The following ARMC8 variants were observed in gnomAD, a reference collection of about 807,000 sequenced individuals.
ARMC8 encodes the protein armadillo repeat-containing protein 8.
A neutral mutation model predicts 99.3 loss-of-function variants in ARMC8; 20 were observed. The observed-to-expected ratio is 0.20, with a 90% CI of 0.14 to 0.29. ARMC8 has a LOEUF of 0.29. ARMC8 is among the 10% of genes least tolerant of loss of function. The pLI is 1.00. For missense variants in ARMC8, 569 were observed against 809.5 expected (o/e 0.70, Z 3.60); for synonymous variants, 263 against 278.3 (o/e 0.95, Z 0.55).
At chr3:138,236,300 A>G (rs921212723) in intron 7 of ARMC8, among the ~76,000 whole-genome samples, 1 of 152,204 alleles carries the variant, frequency 6.6e-6, no homozygotes, top group African/African-American at 2.4e-5. Context: ...GTGCCATGCA[A>G]AGGCTAAACC....
intron 12 of ARMC8, among the ~76,000 whole-genome samples, chr3:138,263,287 G>A (rs949914984): frequency 4.6e-5 from 7 of 152,214 alleles, no homozygotes; most frequent in Non-Finnish European, 8.8e-5. Flanking sequence ...AGTTTCAGTC[G>A]GTTGGTAAGA....
At chr3:138,277,863 TA>T (rs1247705157) in intron 18 of ARMC8, among the ~76,000 whole-genome samples, 1 of 152,148 alleles carries the variant, frequency 6.6e-6, no homozygotes, top group East Asian at 1.9e-4. Context: ...AATTAGAAAT[TA>T]ACATCCCTCA....
At chr3:138,222,201 G>A (rs577090583) in intron 3 of ARMC8, among the ~76,000 whole-genome samples, 217 of 152,300 alleles carry the variant, frequency 1.4e-3, no homozygotes, top group Non-Finnish European at 2.2e-3. Flanking sequence ...AAGTGAATGT[G>A]TTAATACATT....
At chr3:138,274,298 A>T (rs1381436258) in intron 17 of ARMC8, 151 bp from the exon 18 acceptor site, 1 of 583,914 alleles carries the variant, frequency 1.7e-6, no homozygotes, top group African/African-American at 1.9e-5. Flanking sequence ...TTCAAAATAT[A>T]ATAAACACTG....
chr3:138,287,751 A>G (rs1393146530), intron 19 of ARMC8: 15 of 455,094 alleles, frequency 3.3e-5, no homozygotes, highest in East Asian at 1.4e-4. Context: ...TAGTTGAAAT[A>G]TAGTCCTACA....
intron 15 of ARMC8, among the ~76,000 whole-genome samples, chr3:138,268,555 T>G (rs1433839281): frequency 6.6e-6 from 1 of 152,172 alleles, no homozygotes; most frequent in Admixed American, 6.5e-5. Flanking sequence ...CTAATACGAT[T>G]TTTTTATATT....
At chr3:138,219,968 GA>G (rs1373605602) in intron 2 of ARMC8, among the ~76,000 whole-genome samples, 3 of 152,180 alleles carry the variant, frequency 2.0e-5, no homozygotes, top group Admixed American at 2.0e-4. Flanking sequence ...GAAGAATGGA[GA>G]GGAAAAACTG....
At position 138,274,625 on chromosome 3, in the gene ARMC8, A is replaced by G. The variant is rs2291092; in HGVS notation, c.1725+81A>G. The G allele has an allele frequency of 6.6e-5, 68 of 1,028,574 alleles. No homozygotes were observed. The East Asian group carries it at 1.0e-3, about 16-fold the overall frequency. 63.7% of individuals were successfully genotyped at this position (1,028,574 alleles called of 1,614,324 possible). ...TCTTAAGAGTCTCCTGAAATATTCA[A>G]ATCTGCAGAAGACAGAGTGCTGAGA... On this transcript the variant is annotated intron_variant, in intron 18 of 21. Coordinates refer to ENST00000469044, the MANE Select transcript of ARMC8 (RefSeq NM_001363941.2).
intron 9 of ARMC8, chr3:138,238,071 T>C (rs1380735271): frequency 6.6e-6 from 1 of 151,174 alleles, no homozygotes; most frequent in African/African-American, 2.4e-5. Flanking sequence ...GCAAAGGTTT[T>C]TTTTTTTTTT....
At chr3:138,223,613 C>T in intron 4 of ARMC8, 23 bp from the exon 5 acceptor site, 1 of 1,613,858 alleles carries the variant, frequency 6.2e-7, no homozygotes, top group Non-Finnish European at 8.5e-7. Context: ...AGGATTAGTC[C>T]TAAATCTCAT....
At chr3:138,240,467 T>C (rs553663700) in intron 10 of ARMC8, among the ~76,000 whole-genome samples, 7 of 152,348 alleles carry the variant, frequency 4.6e-5, no homozygotes, top group African/African-American at 1.7e-4. Flanking sequence ...CTAACCTTCC[T>C]CTTTTTCTGC....
In ARMC8 at chr3:138,235,436, CAG is replaced by C. The variant is rs1381239432; in HGVS notation, c.609+324_609+325del. ...AGTGGCTTTCTATATCAAGAAGGAA[CAG>C]AATTTCATATTTGAGACCTTTATTT... On this transcript the variant is annotated intron_variant, in intron 7 of 21. Transcript: ENST00000469044. Among the ~76,000 whole-genome samples the C allele has an allele frequency of 5.9e-5, 9 of 152,224 alleles. No homozygotes were observed. In the East Asian group the frequency reaches 1.2e-3, roughly 20 times the overall value.
rs79944503 is a variant in ARMC8, at chr3:138,235,503, A to G, written c.609+389A>G. Among the ~76,000 whole-genome samples the G allele has an allele frequency of 6.6e-5, 10 of 152,344 alleles. No homozygotes were observed. The East Asian group carries it at 1.3e-3, about 21-fold the overall frequency. On this transcript the variant is annotated intron_variant, in intron 7 of 21. Coordinates refer to ENST00000469044, the MANE Select transcript of ARMC8 (RefSeq NM_001363941.2). Reference sequence around the variant, plus strand: ...AGACTTAGCATATTCCTGCATATACATCAGCATTTAAAATGTGTTATGTTT... The same window carrying G: ...AGACTTAGCATATTCCTGCATATACGTCAGCATTTAAAATGTGTTATGTTT...
At chr3:138,287,909 A>T (rs1414469391) in intron 19 of ARMC8, 2 of 239,918 alleles carry the variant, frequency 8.3e-6, no homozygotes, top group South Asian at 5.7e-5. Flanking sequence ...TTATTTTATT[A>T]TTGAGTCCTT....
chr3:138,262,553 G>C (rs775022230), intron 12 of ARMC8: 1 of 1,611,750 alleles, frequency 6.2e-7, no homozygotes. Flanking sequence ...GTCTAGGTCA[G>C]TGATCTTCAA....
chr3:138,217,533 A>G (rs535192958), intron 2 of ARMC8, among the ~76,000 whole-genome samples: 27 of 152,148 alleles, frequency 1.8e-4, no homozygotes, highest in African/African-American at 6.5e-4. Flanking sequence ...TTAATATGCA[A>G]GCCCTTTTTC....
intron 15 of ARMC8, 52 bp downstream of exon 15, chr3:138,267,293 C>T (rs1017699024): frequency 3.6e-6 from 4 of 1,125,126 alleles, no homozygotes; most frequent in Non-Finnish European, 5.0e-6. Flanking sequence ...CTAGAGCTTA[C>T]TCAAATACTT....
chr3:138,201,761 A>ACCCTT (rs2044100412), intron 1 of ARMC8, among the ~76,000 whole-genome samples: 1 of 151,912 alleles, frequency 6.6e-6, no homozygotes. Flanking sequence ...GCCCGACCTT[A>ACCCTT]CCCTTCCCTT....
rs1055264046 is a variant in ARMC8, at chr3:138,298,102, G to A, written c.*2210G>A. On this transcript the variant is annotated 3_prime_UTR_variant, in exon 22 of 22. Transcript: ENST00000469044. Reference sequence around the variant, plus strand: ...AAGCTGTTTGCTGCTTTATGCAGGTGCAGTGTTCAGTCAGCAAGGAAGTGG... The same window carrying A: ...AAGCTGTTTGCTGCTTTATGCAGGTACAGTGTTCAGTCAGCAAGGAAGTGG... 2 of 152,360 alleles carry A rather than the reference G, an allele frequency of 1.3e-5. No homozygotes were observed. Among genetic ancestry groups the A allele is most frequent in the East Asian group, 3.9e-4 (2 of 5,194 alleles). 9.4% of individuals were successfully genotyped at this position (152,360 alleles called of 1,614,324 possible).
Sources: gnomAD v4.1 joint callset for allele counts (sites outside exome capture counted in the v4.1 genomes callset) on GRCh38, gnomAD v4.1.1 for gene constraint, MANE v1.5 for transcripts, NCBI Gene and HGNC (gene_info 2026-07-23, HGNC 2026-07-21) for gene names.